The following SV2C variants were observed in gnomAD, a reference collection of about 807,000 sequenced individuals.
SV2C encodes the protein solute carrier family 22 member B3.
Under a neutral mutation model 79.7 loss-of-function variants are expected in SV2C, and 49 were observed. That is an observed-to-expected ratio of 0.61 (90% CI 0.49 to 0.78). SV2C has a LOEUF of 0.78. Among genes scored for constraint, SV2C ranks in the 30% least tolerant of loss-of-function variants. The pLI is 0.00. For missense variants in SV2C, 833 were observed against 912.9 expected, an observed-to-expected ratio of 0.91 and a Z score of 1.13; for synonymous variants, 334 against 333.2, an observed-to-expected ratio of 1.00 and a Z score of -0.03.
intron 2 of SV2C, among the ~76,000 whole-genome samples, chr5:76,189,069 C>T (rs1268990735): frequency 6.6e-6 from 1 of 152,102 alleles, no homozygotes; most frequent in African/African-American, 2.4e-5. Context: ...ACTGACCCAA[C>T]ATCTAGCCCA....
the SV2C span, among the ~76,000 whole-genome samples, chr5:75,863,225 A>T: frequency 7.2e-5 from 11 of 152,190 alleles, no homozygotes; most frequent in African/African-American, 2.4e-4. Context: ...TTGGGAAAAG[A>T]TACGCTGTAC....
chr5:75,856,643 T>C, the SV2C span, among the ~76,000 whole-genome samples: 1 of 152,240 alleles, frequency 6.6e-6, no homozygotes, highest in Admixed American at 6.5e-5. Flanking sequence ...ATCGGATTAT[T>C]ACATTTTTTT....
At chr5:75,939,339 T>A in the SV2C span, among the ~76,000 whole-genome samples, 1 of 152,010 alleles carries the variant, frequency 6.6e-6, no homozygotes, top group Non-Finnish European at 1.5e-5. Flanking sequence ...GGCCACTTTC[T>A]TTCTATGTCC....
At chr5:76,126,501 G>A (rs1182971713) in intron 1 of SV2C, among the ~76,000 whole-genome samples, 1 of 152,162 alleles carries the variant, frequency 6.6e-6, no homozygotes, top group Non-Finnish European at 1.5e-5. Flanking sequence ...CACTCCAGAA[G>A]GAGTCCTTTG....
At chr5:76,049,090 C>T in the SV2C span, among the ~76,000 whole-genome samples, 2 of 151,796 alleles carry the variant, frequency 1.3e-5, no homozygotes, top group African/African-American at 2.4e-5. Flanking sequence ...ATAATCCCAA[C>T]TCTTTGGGAG....
chr5:76,041,599 A>G, the SV2C span, among the ~76,000 whole-genome samples: 8 of 152,170 alleles, frequency 5.3e-5, no homozygotes, highest in African/African-American at 1.9e-4. Context: ...CCACATGGAC[A>G]CACATATCTC....
intron 2 of SV2C, among the ~76,000 whole-genome samples, chr5:76,148,511 G>T (rs1188299128): frequency 6.6e-6 from 1 of 152,104 alleles, no homozygotes; most frequent in Non-Finnish European, 1.5e-5. Context: ...GTACAGTGAT[G>T]CAGTCGCTGC....
At chr5:75,890,516 C>G in the SV2C span, among the ~76,000 whole-genome samples, 1 of 152,044 alleles carries the variant, frequency 6.6e-6, no homozygotes, top group African/African-American at 2.4e-5. Context: ...CATTCCATCA[C>G]TGATAAAAGA....
the SV2C span, among the ~76,000 whole-genome samples, chr5:76,002,501 T>C: frequency 2.0e-5 from 3 of 152,220 alleles, no homozygotes; most frequent in Non-Finnish European, 4.4e-5. Flanking sequence ...TGTTGATGGC[T>C]GCACAACTCT....
At chr5:75,933,337 G>A in the SV2C span, among the ~76,000 whole-genome samples, 1 of 152,128 alleles carries the variant, frequency 6.6e-6, no homozygotes, top group Non-Finnish European at 1.5e-5. Context: ...TTCCTCTACT[G>A]GACAGCAAAC....
chr5:76,118,661 A>T (rs909375082), intron 1 of SV2C, among the ~76,000 whole-genome samples: 1 of 152,038 alleles, frequency 6.6e-6, no homozygotes, highest in Admixed American at 6.6e-5. Context: ...AACCTTTCTG[A>T]GGGGCAGTAT....
chr5:75,907,357 T>C, the SV2C span, among the ~76,000 whole-genome samples: 2 of 152,204 alleles, frequency 1.3e-5, no homozygotes, highest in Non-Finnish European at 2.9e-5. Context: ...TTATTATGTC[T>C]TCAGTAAATG....
the SV2C span, among the ~76,000 whole-genome samples, chr5:76,015,310 A>C: frequency 8.5e-6 from 1 of 117,204 alleles, no homozygotes; most frequent in East Asian, 2.1e-4. Flanking sequence ...TAGCATGAAC[A>C]AAAAATAAAG....
At chr5:75,848,692 AG>A in the SV2C span, among the ~76,000 whole-genome samples, 2 of 151,890 alleles carry the variant, frequency 1.3e-5, no homozygotes, top group Middle Eastern at 6.3e-3. Context: ...TCAAGATAGG[AG>A]GGGTTGGGGG....
chr5:76,043,580 A>C, the SV2C span, among the ~76,000 whole-genome samples: 1 of 152,090 alleles, frequency 6.6e-6, no homozygotes, highest in African/African-American at 2.4e-5. Context: ...TAATCTCCCA[A>C]CCCCATTCCA....
chr5:75,961,108 A>G, the SV2C span, among the ~76,000 whole-genome samples: 2 of 152,052 alleles, frequency 1.3e-5, no homozygotes, highest in Non-Finnish European at 2.9e-5. Flanking sequence ...TCAATAAAAT[A>G]TGCTCTTTCC....
the SV2C span, among the ~76,000 whole-genome samples, chr5:75,980,279 GCAGA>G: frequency 6.6e-6 from 1 of 152,104 alleles, no homozygotes; most frequent in African/African-American, 2.4e-5. Flanking sequence ...TTGAATTCTA[GCAGA>G]CAGACAATGA....
chr5:75,860,009 T>C, the SV2C span, among the ~76,000 whole-genome samples: 1 of 152,210 alleles, frequency 6.6e-6, no homozygotes, highest in Admixed American at 6.5e-5. Context: ...TCCGGTCCCC[T>C]AGACCCGTCT....
chr5:76,035,252 C>T, the SV2C span, among the ~76,000 whole-genome samples: 28 of 150,422 alleles, frequency 1.9e-4, no homozygotes, highest in African/African-American at 6.6e-4. Context: ...CTATTTCCTT[C>T]AGTTCTGCTC....
Sources: gnomAD v4.1 joint callset for allele counts (sites outside exome capture counted in the v4.1 genomes callset) on GRCh38, gnomAD v4.1.1 for gene constraint, MANE v1.5 for transcripts, NCBI Gene and HGNC (gene_info 2026-07-23, HGNC 2026-07-21) for gene names.